The following UGT3A1 variants were observed in gnomAD, a reference collection of about 807,000 sequenced individuals.
UGT3A1 encodes the protein UDP-glycosyltransferase 3A1.
In UGT3A1, 40 loss-of-function variants were observed where a neutral mutation model predicts 37.6. The ratio of observed to expected loss-of-function variants is 1.06; its 90% CI spans 0.83 to 1.38. The LOEUF (loss-of-function observed/expected upper bound fraction) is 1.38, where lower values mean the gene tolerates loss of function less well. UGT3A1 is among the 40% of genes most tolerant of loss of function. The pLI is 0.00. For synonymous variants in UGT3A1, 256 were observed against 232.3 expected (o/e 1.10, Z -0.93); for missense variants, 642 against 634.2 (o/e 1.01, Z -0.13).
At chr5:35,978,270 A>G in intron 2 of UGT3A1, among the ~76,000 whole-genome samples, 1 of 152,136 alleles carries the variant, frequency 6.6e-6, no homozygotes, top group East Asian at 1.9e-4. Context: ...CCTGACCTCA[A>G]GTGATCCACC....
chr5:35,972,887 G>A (rs116174139), intron 2 of UGT3A1, among the ~76,000 whole-genome samples: 2 of 146,994 alleles, frequency 1.4e-5, no homozygotes. Flanking sequence ...TGTCTGCCCT[G>A]AAAAAAAAAA....
rs1452970187 is a variant in UGT3A1 at position 35,952,915 on chromosome 5, GT to G, written c.*1286del. 2.0e-5 allele frequency: 3 copies of G among 152,208 alleles called. No homozygotes were observed. Among genetic ancestry groups the G allele is most frequent in the African/African-American group, 7.2e-5 (3 of 41,452 alleles). The allele number at this position is 152,208 out of a possible 1,614,324, so 9.4% of individuals were successfully genotyped here. On this transcript the variant is annotated 3_prime_UTR_variant, in exon 7 of 7. Transcript: ENST00000274278. Reference sequence around the variant, plus strand: ...TTTCATGGAATTGGCAAAGTTTTTGGTGGGGGGCATTCTCTATTTCTGCAGG... The same window carrying G: ...TTTCATGGAATTGGCAAAGTTTTTGGGGGGGGCATTCTCTATTTCTGCAGG...
chr5:35,992,488 A>G (rs1740981617), upstream of UGT3A1, among the ~76,000 whole-genome samples: 1 of 152,236 alleles, frequency 6.6e-6, no homozygotes, highest in Non-Finnish European at 1.5e-5. Flanking sequence ...TTTATAATGC[A>G]TTAGCAAAAT....
chr5:35,977,345 C>G (rs1412663820), intron 2 of UGT3A1, among the ~76,000 whole-genome samples: 1 of 152,134 alleles, frequency 6.6e-6, no homozygotes, highest in East Asian at 1.9e-4. Flanking sequence ...ATGAATGAAT[C>G]TTTAAATAAT....
chr5:35,993,057 G>A (rs890764163), upstream of UGT3A1, among the ~76,000 whole-genome samples: 2 of 152,052 alleles, frequency 1.3e-5, no homozygotes, highest in Non-Finnish European at 2.9e-5. Flanking sequence ...GTCACCCCCA[G>A]CCCACCAGAC....
chr5:35,967,720 C>G (rs1739867382), intron 3 of UGT3A1, among the ~76,000 whole-genome samples: 1 of 152,174 alleles, frequency 6.6e-6, no homozygotes. Context: ...GAGCAATCCC[C>G]TGCTTTCTAT....
intron 4 of UGT3A1, among the ~76,000 whole-genome samples, chr5:35,963,963 A>G (rs1381533749): frequency 6.6e-6 from 1 of 152,186 alleles, no homozygotes; most frequent in East Asian, 1.9e-4. Flanking sequence ...CATTCTATTT[A>G]ACATATTGTT....
At chr5:35,984,472 ATTTTTTT>A (rs35556767) in intron 2 of UGT3A1, among the ~76,000 whole-genome samples, 125 of 135,488 alleles carry the variant, frequency 9.2e-4, no homozygotes, top group African/African-American at 3.5e-3. Context: ...ATCTCACAGA[ATTTTTTT>A]TTTTTTTTTT....
At chr5:35,960,455 G>T (rs1013245602) in intron 4 of UGT3A1, among the ~76,000 whole-genome samples, 3 of 152,132 alleles carry the variant, frequency 2.0e-5, no homozygotes, top group Non-Finnish European at 4.4e-5. Flanking sequence ...ATGTGACAAG[G>T]GTGTGGCTTG....
intron 2 of UGT3A1, among the ~76,000 whole-genome samples, chr5:35,987,239 C>A (rs1402476767): frequency 3.3e-5 from 5 of 152,142 alleles, no homozygotes; most frequent in African/African-American, 9.6e-5. Flanking sequence ...CAATCAAGTG[C>A]TTTTCCTACT....
chr5:35,981,675 G>C (rs1740528823), intron 2 of UGT3A1, among the ~76,000 whole-genome samples: 1 of 152,186 alleles, frequency 6.6e-6, no homozygotes, highest in African/African-American at 2.4e-5. Context: ...ATAAACATTT[G>C]AAAAATTTGC....
chr5:35,988,340 G>A (rs1191221133), intron 2 of UGT3A1, 110 bp downstream of exon 2: 12 of 724,074 alleles, frequency 1.7e-5, no homozygotes, highest in South Asian at 2.2e-5. Flanking sequence ...TATTCATCCC[G>A]AAATAAGACT....
At chr5:35,986,698 G>C (rs781528937) in intron 2 of UGT3A1, among the ~76,000 whole-genome samples, 2 of 152,106 alleles carry the variant, frequency 1.3e-5, no homozygotes, top group Admixed American at 6.5e-5. Flanking sequence ...GATATGGATA[G>C]AGGTTGATTA....
chr5:35,971,135 A>T lies in UGT3A1; in HGVS notation c.197-3002T>A, dbSNP rs114541997. Among the ~76,000 whole-genome samples the T allele has an allele frequency of 1.2e-3, 177 of 152,308 alleles. 1 individual carries two copies. The highest frequency in any genetic ancestry group is 2.2e-3 in the Non-Finnish European group (153 of 68,016). On this transcript the variant is annotated intron_variant, in intron 2 of 6. Coordinates refer to ENST00000274278, the MANE Select transcript of UGT3A1 (RefSeq NM_152404.4). ...GCCCACAATCACTGCCAGCAAGACC[A>T]TCATCATATCCAACTTTCCCTAGGA...
At chr5:35,986,910 A>G (rs1447734649) in intron 2 of UGT3A1, among the ~76,000 whole-genome samples, 1 of 152,170 alleles carries the variant, frequency 6.6e-6, no homozygotes, top group African/African-American at 2.4e-5. Context: ...TACAAATTAT[A>G]TAAATGTATT....
intron 2 of UGT3A1, among the ~76,000 whole-genome samples, chr5:35,982,210 G>A (rs574664761): frequency 5.9e-5 from 9 of 152,356 alleles, no homozygotes; most frequent in African/African-American, 1.7e-4. Flanking sequence ...TGGGGCTGAA[G>A]CCCTCACACA....
In UGT3A1 at chr5:35,990,968, A is replaced by G. The variant is rs1018872691; in HGVS notation, c.94+179T>C. On this transcript the variant is annotated intron_variant, in intron 1 of 6. Transcript: ENST00000274278. ...TCTCAAAAACTGTCTTCCTCACCTCAGCAATAGAGGCCCCTCTCTGCCCCA... is the reference window on the plus strand; with the variant it reads ...TCTCAAAAACTGTCTTCCTCACCTCGGCAATAGAGGCCCCTCTCTGCCCCA... 4 of 1,516,744 alleles carry G rather than the reference A, an allele frequency of 2.6e-6. No homozygotes were observed. The African/African-American group carries it at 5.6e-5, about 21-fold the overall frequency. The allele number at this position is 1,516,744 out of a possible 1,614,324, so 94.0% of individuals were successfully genotyped here. A position where few individuals can be genotyped will look rare whatever the true frequency, so the allele number is the denominator to read the frequency against.
chr5:35,980,136 T>A (rs1022592263), intron 2 of UGT3A1, among the ~76,000 whole-genome samples: 1 of 150,288 alleles, frequency 6.7e-6, no homozygotes, highest in Non-Finnish European at 1.5e-5. Context: ...CAGTTTATTA[T>A]TTACAAGTCA....
At chr5:35,955,999 G>C in intron 5 of UGT3A1, 135 bp from the exon 6 acceptor site, 1 of 906,998 alleles carries the variant, frequency 1.1e-6, no homozygotes, top group Non-Finnish European at 1.7e-6. Flanking sequence ...TTTTGCTTGG[G>C]ACACACAAGT....
Sources: gnomAD v4.1 joint callset for allele counts (sites outside exome capture counted in the v4.1 genomes callset) on GRCh38, gnomAD v4.1.1 for gene constraint, MANE v1.5 for transcripts, NCBI Gene and HGNC (gene_info 2026-07-23, HGNC 2026-07-21) for gene names.